The following GRM7 variants were observed in gnomAD, a reference collection of about 807,000 sequenced individuals.
GRM7 encodes the protein metabotropic glutamate receptor 7.
In GRM7, 35 loss-of-function variants were observed where a neutral mutation model predicts 84.5. That is an observed-to-expected ratio of 0.41 (90% CI 0.32 to 0.55). GRM7 has a LOEUF of 0.55. GRM7 is among the 20% of genes least tolerant of loss of function. The pLI is 0.19. For synonymous variants in GRM7, 487 were observed against 455.1 expected, an observed-to-expected ratio of 1.07 and a Z score of -0.89; for missense variants, 1,003 against 1,194.6, an observed-to-expected ratio of 0.84 and a Z score of 2.36.
At chr3:6,906,551 G>A (rs1441840657) in intron 1 of GRM7, among the ~76,000 whole-genome samples, 1 of 151,918 alleles carries the variant, frequency 6.6e-6, no homozygotes, top group Non-Finnish European at 1.5e-5. Flanking sequence ...CAGACTGGGG[G>A]CATTTAAAAT....
intron 1 of GRM7, among the ~76,000 whole-genome samples, chr3:6,907,837 G>A (rs1696634571): frequency 6.6e-6 from 1 of 152,112 alleles, no homozygotes; most frequent in African/African-American, 2.4e-5. Context: ...TTCAGGGCAA[G>A]CACACTTTTA....
chr3:7,444,672 T>C (rs879813419), intron 5 of GRM7, among the ~76,000 whole-genome samples: 1 of 152,134 alleles, frequency 6.6e-6, no homozygotes, highest in Non-Finnish European at 1.5e-5. Context: ...AGTCCCTGTG[T>C]GCATTGTACC....
intron 7 of GRM7, among the ~76,000 whole-genome samples, chr3:7,494,569 T>G (rs1053387291): frequency 6.6e-6 from 1 of 152,186 alleles, no homozygotes; most frequent in African/African-American, 2.4e-5. Context: ...TCTCTTCTCC[T>G]TCTGGGATTC....
At chr3:7,544,630 A>G (rs1256599609) in intron 7 of GRM7, among the ~76,000 whole-genome samples, 1 of 152,162 alleles carries the variant, frequency 6.6e-6, no homozygotes, top group Non-Finnish European at 1.5e-5. Context: ...GTCTCGACTT[A>G]TACAGGACTC....
intron 7 of GRM7, among the ~76,000 whole-genome samples, chr3:7,523,065 A>G (rs1700659007): frequency 6.6e-6 from 1 of 152,182 alleles, no homozygotes; most frequent in Non-Finnish European, 1.5e-5. Context: ...GATCTAGGAA[A>G]AAGAAATTTC....
At position 7,678,913 on chromosome 3, in the gene GRM7, A is replaced by G. The variant is rs188024435; in HGVS notation, c.2452-1136A>G. Among the ~76,000 whole-genome samples, 10 of 151,152 alleles carry G rather than the reference A, an allele frequency of 6.6e-5. No homozygotes were observed. In the Admixed American group the frequency reaches 6.6e-4, roughly 10 times the overall value. On this transcript the variant is annotated intron_variant, in intron 8 of 9. Coordinates refer to ENST00000357716, the MANE Select transcript of GRM7 (RefSeq NM_000844.4). Reference sequence around the variant, plus strand: ...AAGGTGTCCATTAGACAAACACATGAGCCTATCCATTGTATGTTTATCAAG... The same window carrying G: ...AAGGTGTCCATTAGACAAACACATGGGCCTATCCATTGTATGTTTATCAAG...
At chr3:7,524,770 T>C (rs2124996176) in intron 7 of GRM7, among the ~76,000 whole-genome samples, 1 of 88,692 alleles carries the variant, frequency 1.1e-5, no homozygotes. Flanking sequence ...ACTGGGTATA[T>C]ACCCAAAGGA....
At chr3:7,530,483 G>A (rs1448581947) in intron 7 of GRM7, among the ~76,000 whole-genome samples, 1 of 152,066 alleles carries the variant, frequency 6.6e-6, no homozygotes, top group East Asian at 1.9e-4. Context: ...TGGGTCAAAT[G>A]GTATTTCTGG....
intron 2 of GRM7, among the ~76,000 whole-genome samples, chr3:7,295,061 A>G (rs1327988493): frequency 1.3e-5 from 2 of 152,224 alleles, no homozygotes; most frequent in Admixed American, 1.3e-4. Context: ...TTTGGATATT[A>G]TATTCAAAAA....
intron 9 of GRM7, among the ~76,000 whole-genome samples, chr3:7,721,294 C>T (rs1701938627): frequency 6.6e-6 from 1 of 152,200 alleles, no homozygotes; most frequent in Admixed American, 6.5e-5. Flanking sequence ...GTAGACCCCT[C>T]TTTGAGATGT....
intron 8 of GRM7, among the ~76,000 whole-genome samples, chr3:7,622,957 A>G (rs1697430995): frequency 6.6e-6 from 1 of 152,126 alleles, no homozygotes; most frequent in South Asian, 2.1e-4. Context: ...CAGGCCCAGA[A>G]GATAAGGTAA....
At chr3:7,245,557 C>T (rs1051450289) in intron 2 of GRM7, among the ~76,000 whole-genome samples, 6 of 151,930 alleles carry the variant, frequency 3.9e-5, no homozygotes, top group South Asian at 2.1e-4. Flanking sequence ...GTAAAATCAT[C>T]GATCTAGAGT....
chr3:7,204,098 C>T (rs1696154395), intron 2 of GRM7, among the ~76,000 whole-genome samples: 2 of 152,146 alleles, frequency 1.3e-5, no homozygotes, highest in Non-Finnish European at 1.5e-5. Flanking sequence ...CATAGTATTG[C>T]TTCAGTTAAA....
At chr3:7,319,817 G>C (rs1700709311) in intron 4 of GRM7, among the ~76,000 whole-genome samples, 1 of 151,844 alleles carries the variant, frequency 6.6e-6, no homozygotes. Flanking sequence ...TTTGTATCTT[G>C]TTGCCTTTGA....
intron 5 of GRM7, among the ~76,000 whole-genome samples, chr3:7,440,359 G>A (rs955659018): frequency 2.4e-4 from 37 of 152,098 alleles, no homozygotes; most frequent in African/African-American, 8.9e-4. Context: ...ATTTCTTACA[G>A]CATCTAGTCA....
chr3:7,069,862 G>A (rs1201981966), intron 1 of GRM7, among the ~76,000 whole-genome samples: 1 of 152,088 alleles, frequency 6.6e-6, no homozygotes, highest in Non-Finnish European at 1.5e-5. Context: ...TCTCCTAGTG[G>A]TGACTTAACC....
At chr3:6,979,494 G>A (rs1240992339) in intron 1 of GRM7, among the ~76,000 whole-genome samples, 3 of 152,050 alleles carry the variant, frequency 2.0e-5, no homozygotes, top group African/African-American at 7.2e-5. Context: ...AGTAATGCAC[G>A]TAGATTTATC....
rs1466223732 is a variant in GRM7, at chr3:7,653,086, C to A, written c.2452-26963C>A. ...CCTTTGCAATGAGCTCCTACTCTTA[C>A]TGAATACCGCAAACCACTCCTCTGC... is the stretch of plus-strand genomic sequence containing the variant. On this transcript the variant is annotated intron_variant, in intron 8 of 9. Coordinates refer to ENST00000357716, the MANE Select transcript of GRM7 (RefSeq NM_000844.4). Among the ~76,000 whole-genome samples, 4 of 151,446 alleles carry A rather than the reference C, an allele frequency of 2.6e-5. No individual in the cohort carries two copies. The East Asian group carries it at 7.8e-4, about 30-fold the overall frequency.
intron 1 of GRM7, among the ~76,000 whole-genome samples, chr3:6,916,611 G>T (rs1696949718): frequency 6.6e-6 from 1 of 152,122 alleles, no homozygotes; most frequent in Non-Finnish European, 1.5e-5. Context: ...TCCTCACATG[G>T]TGGAAGGGGG....
Sources: gnomAD v4.1 joint callset for allele counts (sites outside exome capture counted in the v4.1 genomes callset) on GRCh38, gnomAD v4.1.1 for gene constraint, MANE v1.5 for transcripts, NCBI Gene and HGNC (gene_info 2026-07-23, HGNC 2026-07-21) for gene names.